Variants in NCALD observed in about 807,000 individuals in gnomAD.
The protein encoded by NCALD is neurocalcin delta.
Under a neutral mutation model 18.6 loss-of-function variants are expected in NCALD, and 10 were observed. The ratio of observed to expected loss-of-function variants is 0.54; its 90% CI spans 0.33 to 0.91. The LOEUF (loss-of-function observed/expected upper bound fraction) is 0.91, where lower values mean the gene tolerates loss of function less well. Ranked by LOEUF, NCALD falls within the 40% of genes least tolerant of loss-of-function variation. The probability of loss-of-function intolerance (pLI) is 0.03; values close to 1 mark genes in which losing one functional copy is unlikely to be tolerated. For missense variants in NCALD, 184 were observed against 247.6 expected (o/e 0.74, Z 1.72); for synonymous variants, 88 against 87.4 (o/e 1.01, Z -0.04).
chr8:102,065,085 A>T (rs1478952403), intron 1 of NCALD, among the ~76,000 whole-genome samples: 1 of 151,952 alleles, frequency 6.6e-6, no homozygotes, highest in East Asian at 1.9e-4. Flanking sequence ...CCAAAAAGCT[A>T]AAAAGCAGTA....
intron 1 of NCALD, among the ~76,000 whole-genome samples, chr8:101,739,973 G>A (rs1810116776): frequency 6.6e-6 from 1 of 152,310 alleles, no homozygotes; most frequent in South Asian, 2.1e-4. Flanking sequence ...ATTGATTTGG[G>A]TCTGTTTTGT....
At chr8:101,801,663 T>TTTTG (rs1812865325) in intron 4 of NCALD, among the ~76,000 whole-genome samples, 1 of 94,678 alleles carries the variant, frequency 1.1e-5, no homozygotes, top group African/African-American at 5.6e-5. Flanking sequence ...TTTTTTTTTT[T>TTTTG]TTTTTTTTTT....
In NCALD at chr8:101,833,464, C is replaced by T. The variant is rs532817974; in HGVS notation, c.-20+53677G>A. On this transcript the variant is annotated intron_variant, in intron 4 of 6. Transcript: ENST00000311028. ...AAGTTTTGAAGTCTCGTAACAATAA[C>T]ACAGTTCAGCAGACTGTCCAAACTG... Among the ~76,000 whole-genome samples, 79 of 152,266 alleles carry T rather than the reference C, an allele frequency of 5.2e-4. No homozygotes were observed. In the Middle Eastern group the frequency reaches 0.01, roughly 20 times the overall value.
rs1031079712 is a variant in NCALD, at chr8:101,735,384, C to T, written c.-19-15736G>A. Among the ~76,000 whole-genome samples the T allele has an allele frequency of 3.3e-5, 5 of 152,124 alleles. No homozygotes were observed. The East Asian group carries it at 7.7e-4, about 23-fold the overall frequency. On this transcript the variant is annotated intron_variant, in intron 1 of 3. Transcript: ENST00000220931. ...AAAAAGCAGCACCCAACAGCATCCT[C>T]GGGACAAAGATGGGTGTGTCCTGAG...
intron 1 of NCALD, among the ~76,000 whole-genome samples, chr8:102,075,764 C>G (rs1824323863): frequency 1.3e-5 from 2 of 151,924 alleles, no homozygotes; most frequent in South Asian, 4.2e-4. Flanking sequence ...ACCAGCCTGG[C>G]CAAGATGGTG....
intron 1 of NCALD, among the ~76,000 whole-genome samples, chr8:102,120,930 C>T (rs938135233): frequency 1.5e-4 from 23 of 152,148 alleles, no homozygotes; most frequent in Non-Finnish European, 2.5e-4. Flanking sequence ...CTTCATTATC[C>T]GCAAATGATA....
At chr8:102,001,051 G>T (rs1177986152) in intron 2 of NCALD, among the ~76,000 whole-genome samples, 1 of 152,250 alleles carries the variant, frequency 6.6e-6, no homozygotes, top group Non-Finnish European at 1.5e-5. Context: ...GTAGAGAGAA[G>T]AAGGCTTCAG....
At chr8:102,110,297 G>A (rs1278215595) in intron 1 of NCALD, among the ~76,000 whole-genome samples, 1 of 152,136 alleles carries the variant, frequency 6.6e-6, no homozygotes, top group African/African-American at 2.4e-5. Flanking sequence ...AAATTAGGAA[G>A]AGAAGAAATG....
intron 1 of NCALD, among the ~76,000 whole-genome samples, chr8:101,768,733 A>AAAG (rs1811459245): frequency 6.6e-6 from 1 of 151,562 alleles, no homozygotes; most frequent in African/African-American, 2.4e-5. Context: ...CAAAAAAAAA[A>AAAG]AAAGAAAGAA....
At chr8:101,802,618 A>C (rs1035137449) in intron 4 of NCALD, among the ~76,000 whole-genome samples, 2 of 152,170 alleles carry the variant, frequency 1.3e-5, no homozygotes, top group African/African-American at 4.8e-5. Flanking sequence ...CATATGTAGA[A>C]AGTTTTAGTA....
intron 1 of NCALD, among the ~76,000 whole-genome samples, chr8:102,032,035 C>A (rs890299087): frequency 6.6e-6 from 1 of 152,148 alleles, no homozygotes; most frequent in Non-Finnish European, 1.5e-5. Context: ...AAAGTATATT[C>A]TCAGGCTCTT....
At position 101,963,553 on chromosome 8, in the gene NCALD, A is replaced by C. The variant is rs1819912985; in HGVS notation, c.-156-47695T>G. ...ACAGAACTAGCACTGCAAATGGCAGATGACAGAATGGAAAGAATCTGGGTG... is the reference window on the plus strand; with the variant it reads ...ACAGAACTAGCACTGCAAATGGCAGCTGACAGAATGGAAAGAATCTGGGTG... On this transcript the variant is annotated intron_variant, in intron 2 of 6. Transcript: ENST00000311028. Among the ~76,000 whole-genome samples, 7 of 152,196 alleles carry C rather than the reference A, an allele frequency of 4.6e-5. No homozygotes were observed. The South Asian group carries it at 1.4e-3, about 32-fold the overall frequency.
At chr8:101,850,600 G>T (rs967948601) in intron 4 of NCALD, among the ~76,000 whole-genome samples, 1 of 151,974 alleles carries the variant, frequency 6.6e-6, no homozygotes, top group Non-Finnish European at 1.5e-5. Flanking sequence ...CCCCACAAAA[G>T]TTACTATATC....
At chr8:101,853,957 G>A (rs1815200343) in intron 4 of NCALD, among the ~76,000 whole-genome samples, 1 of 152,188 alleles carries the variant, frequency 6.6e-6, no homozygotes, top group Non-Finnish European at 1.5e-5. Flanking sequence ...TGACCTGTAA[G>A]CCACTGCATG....
intron 3 of NCALD, among the ~76,000 whole-genome samples, chr8:101,888,716 C>T (rs1191180251): frequency 6.6e-6 from 1 of 152,100 alleles, no homozygotes; most frequent in African/African-American, 2.4e-5. Flanking sequence ...CACACCCAGC[C>T]TGAACTTTCT....
At chr8:101,977,453 G>C (rs9297317) in intron 2 of NCALD, among the ~76,000 whole-genome samples, 4 of 151,996 alleles carry the variant, frequency 2.6e-5, no homozygotes, top group African/African-American at 4.8e-5. Flanking sequence ...TAAGTTCCCC[G>C]AAGAAATTTT....
chr8:101,813,442 A>AT (rs1813382342), intron 4 of NCALD, among the ~76,000 whole-genome samples: 1 of 152,278 alleles, frequency 6.6e-6, no homozygotes, highest in Non-Finnish European at 1.5e-5. Flanking sequence ...TTTGTAAGCC[A>AT]GTGTATCAAG....
At chr8:101,787,285 A>C (rs1812264121) in intron 1 of NCALD, among the ~76,000 whole-genome samples, 1 of 152,202 alleles carries the variant, frequency 6.6e-6, no homozygotes, top group South Asian at 2.1e-4. Flanking sequence ...CAAAGCTCCC[A>C]AGGCAAGTGT....
chr8:102,042,952 T>G (rs1489514162), intron 1 of NCALD, among the ~76,000 whole-genome samples: 2 of 151,878 alleles, frequency 1.3e-5, no homozygotes, highest in Non-Finnish European at 1.5e-5. Flanking sequence ...TCCCCTTATC[T>G]TTCCATTCCA....
Sources: allele counts gnomAD v4.1 joint callset (sites outside exome capture counted in the v4.1 genomes callset), GRCh38; gene constraint gnomAD v4.1.1; transcripts MANE v1.5; gene names NCBI Gene and HGNC (gene_info 2026-07-23, HGNC 2026-07-21).